Variants in DLGAP2 observed in about 807,000 individuals in gnomAD.
DLGAP2 encodes the protein disks large-associated protein 2.
DLGAP2 carries 26 observed loss-of-function variants against 100.3 expected under a neutral mutation model. The ratio of observed to expected loss-of-function variants is 0.26; its 90% CI spans 0.19 to 0.36. The LOEUF (loss-of-function observed/expected upper bound fraction) is 0.36. Among genes scored for constraint, DLGAP2 ranks in the 10% least tolerant of loss-of-function variants. The pLI, the probability that DLGAP2 is intolerant of heterozygous loss-of-function variation, is 1.00. For missense variants in DLGAP2, 1,858 were observed against 1,453.2 expected, an observed-to-expected ratio of 1.28 and a Z score of -4.53; for synonymous variants, 886 against 630.1, an observed-to-expected ratio of 1.41 and a Z score of -6.08.
chr8:1,352,397 C>T (rs1184731203), intron 3 of DLGAP2, among the ~76,000 whole-genome samples: 2 of 152,124 alleles, frequency 1.3e-5, no homozygotes, highest in African/African-American at 2.4e-5. Flanking sequence ...GCCATCTCTT[C>T]CTCTCCCCAG....
intron 3 of DLGAP2, chr8:1,300,371 C>T (rs7010376): frequency 0.12 from 18,487 of 152,152 alleles, 1,446 homozygotes; most frequent in East Asian, 0.24. Context: ...TTACCAGATG[C>T]GTTTTCCCTC....
chr8:792,340 G>T (rs1486209547), intron 1 of DLGAP2, among the ~76,000 whole-genome samples: 1 of 152,122 alleles, frequency 6.6e-6, no homozygotes, highest in African/African-American at 2.4e-5. Context: ...TTATGAGTAA[G>T]TGCTAATTTT....
intron 2 of DLGAP2, among the ~76,000 whole-genome samples, chr8:1,227,174 A>ATAT (rs1563265041): frequency 1.8e-4 from 12 of 65,138 alleles, no homozygotes; most frequent in East Asian, 7.9e-4. Context: ...ATATATATAT[A>ATAT]GTATAGATAT....
rs139935816 is a variant in DLGAP2 at position 782,004 on chromosome 8, A to G, written c.18+44179A>G. On this transcript the variant is annotated intron_variant, in intron 1 of 14. Transcript: ENST00000637795. Reference sequence around the variant, plus strand: ...AAAGGAAAGAGAAAACCTGGTGTTCAATCAACCAGCAGGATGACTACCATT... The same window carrying G: ...AAAGGAAAGAGAAAACCTGGTGTTCGATCAACCAGCAGGATGACTACCATT... Among the ~76,000 whole-genome samples the G allele has an allele frequency of 2.0e-5, 3 of 152,322 alleles. No homozygotes were observed. The East Asian group carries it at 5.8e-4, about 29-fold the overall frequency.
chr8:1,474,317 A>G (rs569595684), intron 3 of DLGAP2, among the ~76,000 whole-genome samples: 14 of 152,108 alleles, frequency 9.2e-5, no homozygotes, highest in African/African-American at 3.4e-4. Flanking sequence ...TGTTTTTGTG[A>G]TTGTGAATTG....
intron 3 of DLGAP2, among the ~76,000 whole-genome samples, chr8:1,372,105 C>T (rs1360081900): frequency 6.6e-6 from 1 of 152,156 alleles, no homozygotes; most frequent in Non-Finnish European, 1.5e-5. Flanking sequence ...CTGGGGACAG[C>T]TCTGGGACCT....
intron 2 of DLGAP2, among the ~76,000 whole-genome samples, chr8:994,762 G>T (rs117762155): frequency 0.011 from 1,644 of 152,264 alleles, 19 homozygotes; most frequent in Middle Eastern, 0.024. Context: ...GGTCAGACCT[G>T]CTCCCTTGCT....
chr8:879,273 G>C (rs1403865730), intron 1 of DLGAP2, among the ~76,000 whole-genome samples: 2 of 152,188 alleles, frequency 1.3e-5, no homozygotes, highest in African/African-American at 4.8e-5. Context: ...CACTCTCTGG[G>C]CAATAATTTG....
intron 1 of DLGAP2, among the ~76,000 whole-genome samples, chr8:772,942 T>G (rs4735919): frequency 1.3e-5 from 2 of 152,084 alleles, no homozygotes; most frequent in Non-Finnish European, 2.9e-5. Context: ...CCCAGATGCA[T>G]TGAGCCATCA....
At chr8:1,307,168 A>C (rs1465400225) in intron 3 of DLGAP2, among the ~76,000 whole-genome samples, 1 of 121,752 alleles carries the variant, frequency 8.2e-6, no homozygotes, top group African/African-American at 3.7e-5. Context: ...TGATACCTAC[A>C]CTATTTAAAT....
intron 6 of DLGAP2, among the ~76,000 whole-genome samples, chr8:1,587,781 C>T (rs539742395): frequency 1.3e-5 from 2 of 152,204 alleles, no homozygotes; most frequent in South Asian, 2.1e-4. Flanking sequence ...TTTCTCTTTT[C>T]AGGCCCTGCT....
chr8:810,577 G>A (rs1020737238), intron 1 of DLGAP2, among the ~76,000 whole-genome samples: 13 of 152,186 alleles, frequency 8.5e-5, no homozygotes, highest in African/African-American at 3.1e-4. Flanking sequence ...GAGACATGCT[G>A]TGCTGCAATT....
intron 8 of DLGAP2, among the ~76,000 whole-genome samples, chr8:1,667,249 C>T (rs1445748796): frequency 6.6e-6 from 1 of 152,206 alleles, no homozygotes; most frequent in Non-Finnish European, 1.5e-5. Flanking sequence ...TAAGTTATAG[C>T]CTGAGTCCAG....
chr8:973,953 C>T (rs541930246), intron 2 of DLGAP2, among the ~76,000 whole-genome samples: 53 of 151,532 alleles, frequency 3.5e-4, no homozygotes, highest in South Asian at 1.2e-3. Flanking sequence ...AAGCTGCGCG[C>T]GCAGACCGGG....
intron 3 of DLGAP2, among the ~76,000 whole-genome samples, chr8:1,499,874 G>A (rs1327613215): frequency 1.3e-5 from 2 of 149,790 alleles, no homozygotes; most frequent in South Asian, 2.1e-4. Flanking sequence ...GGCAGATGCC[G>A]ATTTGTTGAA....
rs1250680478 is a variant in DLGAP2, at chr8:1,508,297, C to CCCCCCACCAG, written c.172+6870_172+6871insCACCAGCCCC. On this transcript the variant is annotated intron_variant, in intron 4 of 14. Coordinates refer to ENST00000637795, the MANE Select transcript of DLGAP2 (RefSeq NM_001346810.2). ...TGCCATACCCCGCAAACCCCCGCCA[C>CCCCCCACCAG]CCCCTGCAAACGCCCACCACCCCCC... Among the ~76,000 whole-genome samples, 541 of 124,846 alleles carry CCCCCCACCAG rather than the reference C, an allele frequency of 4.3e-3. 14 individuals are homozygous for CCCCCCACCAG. The highest frequency in any genetic ancestry group is 5.6e-3 in the African/African-American group (166 of 29,442). The allele number at this position is 124,846 out of a possible 152,430, so 81.9% of individuals were successfully genotyped here.
At chr8:1,072,147 C>T (rs553161345) in intron 2 of DLGAP2, among the ~76,000 whole-genome samples, 51 of 152,198 alleles carry the variant, frequency 3.4e-4, no homozygotes, top group African/African-American at 1.2e-3. Flanking sequence ...GGAGGGGGTG[C>T]GGGTTTGATG....
chr8:1,600,297 C>A (rs756533570), intron 6 of DLGAP2, among the ~76,000 whole-genome samples: 4 of 152,008 alleles, frequency 2.6e-5, no homozygotes, highest in Non-Finnish European at 5.9e-5. Context: ...CTCTGGCTGC[C>A]CTTATCATTT....
intron 1 of DLGAP2, among the ~76,000 whole-genome samples, chr8:900,097 T>C (rs1022314440): frequency 5.9e-5 from 9 of 151,892 alleles, no homozygotes; most frequent in African/African-American, 2.2e-4. Flanking sequence ...ACTGGGTGGA[T>C]GGTGGGCGGC....
Sources: allele counts gnomAD v4.1 joint callset (sites outside exome capture counted in the v4.1 genomes callset), GRCh38; gene constraint gnomAD v4.1.1; transcripts MANE v1.5; gene names NCBI Gene and HGNC (gene_info 2026-07-23, HGNC 2026-07-21).